Variants in TRIO observed in about 807,000 individuals in gnomAD.
TRIO encodes trio Rho guanine nucleotide exchange factor, also known as triple functional domain protein.
TRIO carries 58 observed loss-of-function variants against 351.9 expected under a neutral mutation model. That is an observed-to-expected ratio of 0.16 (90% CI 0.13 to 0.21). The LOEUF (loss-of-function observed/expected upper bound fraction) is 0.21. TRIO is among the 10% of genes least tolerant of loss of function. The pLI is 1.00. For synonymous variants in TRIO, 1,758 were observed against 1,595.7 expected (o/e 1.10, Z -2.42); for missense variants, 3,201 against 4,027.8 (o/e 0.79, Z 5.56).
At chr5:14,320,243 A>G (rs1218546307) in intron 9 of TRIO, among the ~76,000 whole-genome samples, 2 of 152,210 alleles carry the variant, frequency 1.3e-5, no homozygotes, top group Non-Finnish European at 2.9e-5. Context: ...AGTTTAGAGT[A>G]TGCTTTAGTT....
rs1438619187 is a variant in TRIO, at chr5:14,502,603, T to A, written c.8357T>A (p.Val2786Glu). 17 of 1,614,210 alleles carry A rather than the reference T, an allele frequency of 1.1e-5. No homozygotes were observed. The highest frequency in any genetic ancestry group is 1.4e-5 in the Non-Finnish European group (17 of 1,180,038). Residue 2786 changes from valine (V) to glutamate (E), a missense_variant, in exon 54 of 57, where the codon GTG becomes GAG. Physicochemically the swap from Val to Glu is moderately radical, Grantham distance 121 (BLOSUM62 -2). This residue lies in a region of TRIO where 1,089 missense variants were observed against 954.9 expected (regional missense o/e 1.14). Transcript: ENST00000344204. ...GGTCCAGGGATGGATGGGATCATGG[T>A]GACCTGGAAAGACAACTTTGACTCC... ...VLGPGMDGIMVTWKDNFDSFY... is the reference protein window; with the variant it reads ...VLGPGMDGIMETWKDNFDSFY...
At chr5:14,233,526 T>C (rs1053127033) in intron 1 of TRIO, among the ~76,000 whole-genome samples, 11 of 151,950 alleles carry the variant, frequency 7.2e-5, no homozygotes, top group East Asian at 5.8e-4. Context: ...CTGTCCTCCC[T>C]TCTCCTTTAG....
At chr5:14,234,404 A>AT (rs1793651062) in intron 1 of TRIO, among the ~76,000 whole-genome samples, 1 of 152,164 alleles carries the variant, frequency 6.6e-6, no homozygotes, top group African/African-American at 2.4e-5. Context: ...CTGCCCTGGC[A>AT]TTTTTAACAT....
At chr5:14,403,171 G>T (rs1216526124) in intron 31 of TRIO, among the ~76,000 whole-genome samples, 1 of 117,858 alleles carries the variant, frequency 8.5e-6, no homozygotes, top group African/African-American at 3.6e-5. Context: ...AGGTTGTGGT[G>T]AGGGTGCAGG....
intron 11 of TRIO, among the ~76,000 whole-genome samples, chr5:14,350,545 C>A (rs1390381040): frequency 6.6e-6 from 1 of 152,164 alleles, no homozygotes; most frequent in Non-Finnish European, 1.5e-5. Context: ...GTGTCATCGC[C>A]ACATCCCCTG....
At chr5:14,402,661 G>A (rs1748180672) in intron 31 of TRIO, among the ~76,000 whole-genome samples, 1 of 151,816 alleles carries the variant, frequency 6.6e-6, no homozygotes, top group East Asian at 1.9e-4. Flanking sequence ...AGAGGGTAAG[G>A]GTGTAGAGGA....
At chr5:14,255,306 C>T (rs1794967238) in intron 1 of TRIO, among the ~76,000 whole-genome samples, 1 of 152,234 alleles carries the variant, frequency 6.6e-6, no homozygotes, top group African/African-American at 2.4e-5. Context: ...TAGAGATCCA[C>T]TGGCCTTGGG....
At chr5:14,356,097 C>T (rs2152334338) in intron 11 of TRIO, among the ~76,000 whole-genome samples, 1 of 152,248 alleles carries the variant, frequency 6.6e-6, no homozygotes, top group Admixed American at 6.5e-5. Context: ...CCCTGGGTAA[C>T]AGGATTGAAA....
chr5:14,280,292 C>CT, intron 2 of TRIO, 30 bp from the exon 3 acceptor site: 1 of 1,582,384 alleles, frequency 6.3e-7, no homozygotes, highest in South Asian at 1.1e-5. Context: ...TATCTTGTGT[C>CT]TAAGTGTATT....
chr5:14,473,890 C>T (rs1754857773), intron 39 of TRIO, 104 bp from the exon 40 acceptor site: 1 of 1,059,976 alleles, frequency 9.4e-7, no homozygotes, highest in Non-Finnish European at 1.4e-6. Context: ...GGTTACAAGA[C>T]AGTGCATGTG....
intron 1 of TRIO, among the ~76,000 whole-genome samples, chr5:14,215,734 A>G (rs1431623260): frequency 6.6e-6 from 1 of 152,174 alleles, no homozygotes; most frequent in East Asian, 1.9e-4. Context: ...TCTATTTGCA[A>G]TTTCTCCAAT....
chr5:14,260,055 T>C (rs1288718920), intron 1 of TRIO, among the ~76,000 whole-genome samples: 1 of 152,206 alleles, frequency 6.6e-6, no homozygotes, highest in Non-Finnish European at 1.5e-5. Flanking sequence ...GTTTCTAATA[T>C]TAGAACATCA....
chr5:14,495,981 G>A (rs1269143736), intron 49 of TRIO, among the ~76,000 whole-genome samples: 2 of 151,964 alleles, frequency 1.3e-5, no homozygotes, highest in Non-Finnish European at 2.9e-5. Context: ...GAAAGAAATT[G>A]CCACACCCAC....
chr5:14,272,734 T>C (rs1796049949), intron 2 of TRIO, among the ~76,000 whole-genome samples: 1 of 152,218 alleles, frequency 6.6e-6, no homozygotes, highest in East Asian at 1.9e-4. Context: ...TTTTACAGTA[T>C]TCCTAATTTA....
At position 14,176,500 on chromosome 5, in the gene TRIO, G is replaced by A. The variant is rs1198623211; in HGVS notation, c.157+32618G>A. On this transcript the variant is annotated intron_variant, in intron 1 of 56. Coordinates refer to ENST00000344204, the MANE Select transcript of TRIO (RefSeq NM_007118.4). ...AAAAACAACAGAGTCTTGCTCTGTT[G>A]CCTAGGCTGGAGGCACAGTCACTGC... Among the ~76,000 whole-genome samples the A allele has an allele frequency of 2.6e-5, 4 of 152,066 alleles. No homozygotes were observed. In the East Asian group the frequency reaches 7.7e-4, roughly 29 times the overall value.
intron 1 of TRIO, among the ~76,000 whole-genome samples, chr5:14,238,017 C>T (rs910985392): frequency 1.3e-5 from 2 of 152,134 alleles, no homozygotes; most frequent in Non-Finnish European, 2.9e-5. Context: ...GCCTGTTATC[C>T]ACCAGAACAT....
intron 27 of TRIO, 48 bp downstream of exon 27, chr5:14,391,038 A>G (rs918584301): frequency 7.5e-6 from 11 of 1,461,816 alleles, no homozygotes; most frequent in Non-Finnish European, 1.0e-5. Flanking sequence ...AGTTGTGTAC[A>G]TAAAATGCGG....
chr5:14,463,011 C>G (rs939284611), intron 36 of TRIO, 86 bp downstream of exon 36: 1 of 1,428,410 alleles, frequency 7.0e-7, no homozygotes, highest in African/African-American at 1.5e-5. Context: ...AGCCTCATTT[C>G]AGGAGACAGG....
intron 11 of TRIO, among the ~76,000 whole-genome samples, chr5:14,348,354 G>A (rs1742628967): frequency 6.6e-6 from 1 of 152,230 alleles, no homozygotes; most frequent in Non-Finnish European, 1.5e-5. Flanking sequence ...AACAATTGAT[G>A]AAATACCATT....
Sources: gnomAD v4.1 joint callset for allele counts (sites outside exome capture counted in the v4.1 genomes callset) on GRCh38, gnomAD v4.1.1 for gene constraint, gnomAD v4.1.1 regional missense constraint, MANE v1.5 for transcripts, NCBI Gene and HGNC (gene_info 2026-07-23, HGNC 2026-07-21) for gene names.